The following EPHB1 variants were observed in gnomAD, a reference collection of about 807,000 sequenced individuals.
The protein encoded by EPHB1 is EPH receptor B1.
A neutral mutation model predicts 94.4 loss-of-function variants in EPHB1; 30 were observed. That is an observed-to-expected ratio of 0.32 (90% CI 0.24 to 0.43). The LOEUF is 0.43. EPHB1 is among the 20% of genes least tolerant of loss of function. The pLI, the probability that EPHB1 is intolerant of heterozygous loss-of-function variation, is 1.00. For synonymous variants in EPHB1, 522 were observed against 489.1 expected (o/e 1.07, Z -0.89); for missense variants, 1,055 against 1,308.3 (o/e 0.81, Z 2.99).
chr3:134,951,391 C>T lies in EPHB1; in HGVS notation c.144C>T (p.Tyr48=), dbSNP rs371726436. Residue 48 remains tyrosine (Y), a synonymous_variant, in exon 3 of 16, where the codon TAC becomes TAT. Transcript: ENST00000398015. This position sits in a 1 kb window ranked among gnomAD's most constrained non-coding sequence, Gnocchi z 4.5. ...TACAGTGGGAAGAAGTCAGTGGCTA[C>T]GATGAAAACCTGAACACCATCCGCA... ...PASGWEEVSG[Y]DENLNTIRTY... 1.8e-5 allele frequency: 28 copies of T among 1,568,522 alleles called. No individual in the cohort carries two copies. The highest frequency in any genetic ancestry group is 2.7e-5 in the African/African-American group (2 of 73,742).
rs550084438 is a variant in EPHB1, at chr3:134,928,707, A to G, written c.123+2827A>G. Among the ~76,000 whole-genome samples, 9 of 152,292 alleles carry G rather than the reference A, an allele frequency of 5.9e-5. No homozygotes were observed. The South Asian group carries it at 1.7e-3, about 28-fold the overall frequency. ...TGGAATCAGAAGGCGGCCGCATGTC[A>G]GTGAGATGGGAGCCTGGGGCATGGC... On this transcript the variant is annotated intron_variant, in intron 2 of 15. Coordinates refer to ENST00000398015, the MANE Select transcript of EPHB1 (RefSeq NM_004441.5).
At chr3:134,804,028 T>C (rs752302593) in intron 1 of EPHB1, among the ~76,000 whole-genome samples, 1 of 150,242 alleles carries the variant, frequency 6.7e-6, no homozygotes, top group Non-Finnish European at 1.5e-5. Context: ...GCCTTTCCCA[T>C]GTGCCCCTGC....
chr3:135,197,803 C>G (rs761916671), intron 11 of EPHB1, among the ~76,000 whole-genome samples: 23 of 151,850 alleles, frequency 1.5e-4, no homozygotes, highest in Non-Finnish European at 3.1e-4. Context: ...CCAAAGTCAC[C>G]AAGAAATAAG....
intron 3 of EPHB1, among the ~76,000 whole-genome samples, chr3:134,983,490 G>A (rs958188286): frequency 5.9e-5 from 9 of 152,206 alleles, no homozygotes; most frequent in Admixed American, 3.3e-4. Context: ...AGACTCATCC[G>A]CTGGCCAGAG....
intron 3 of EPHB1, among the ~76,000 whole-genome samples, chr3:134,952,286 G>C (rs1440711078): frequency 2.0e-5 from 3 of 152,156 alleles, no homozygotes; most frequent in Admixed American, 1.3e-4. Context: ...GTTTCAAACA[G>C]TGGAAAATAA....
chr3:135,080,501 G>A (rs982255319), intron 3 of EPHB1, among the ~76,000 whole-genome samples: 5 of 152,164 alleles, frequency 3.3e-5, no homozygotes, highest in Non-Finnish European at 7.3e-5. Flanking sequence ...GGACACTTGG[G>A]GGTGGGGCAA....
At chr3:134,985,164 T>A (rs1934552241) in intron 3 of EPHB1, among the ~76,000 whole-genome samples, 1 of 152,126 alleles carries the variant, frequency 6.6e-6, no homozygotes, top group African/African-American at 2.4e-5. Context: ...GTGTTTTGTT[T>A]TGTTTTTTGA....
At chr3:134,915,306 A>G (rs914944470) in intron 1 of EPHB1, among the ~76,000 whole-genome samples, 2 of 152,190 alleles carry the variant, frequency 1.3e-5, no homozygotes, top group African/African-American at 4.8e-5. Flanking sequence ...CTCATCCAAT[A>G]TGACTGGCAT....
chr3:135,013,764 G>A (rs999911425), intron 3 of EPHB1, among the ~76,000 whole-genome samples: 1 of 152,220 alleles, frequency 6.6e-6, no homozygotes, highest in Non-Finnish European at 1.5e-5. Flanking sequence ...CTGCAACAGT[G>A]TTTCCTCTTG....
chr3:134,841,780 T>C (rs542624601), intron 1 of EPHB1, among the ~76,000 whole-genome samples: 10 of 152,344 alleles, frequency 6.6e-5, no homozygotes, highest in African/African-American at 2.4e-4. Flanking sequence ...CTTTCCAGCC[T>C]AAATGAGGGA....
intron 4 of EPHB1, among the ~76,000 whole-genome samples, chr3:135,122,246 G>GA (rs1374162703): frequency 6.6e-6 from 1 of 152,182 alleles, no homozygotes; most frequent in Non-Finnish European, 1.5e-5. Flanking sequence ...GCTGAGAGAA[G>GA]ATAAGTGACT....
At chr3:135,167,076 G>T in intron 9 of EPHB1, 70 bp downstream of exon 9, 10 of 1,568,080 alleles carry the variant, frequency 6.4e-6, no homozygotes, top group Non-Finnish European at 8.8e-6. Flanking sequence ...AGTGCTCAGA[G>T]CTCTCTTTAT....
At chr3:135,194,539 G>T (rs1050091403) in intron 11 of EPHB1, among the ~76,000 whole-genome samples, 2 of 152,174 alleles carry the variant, frequency 1.3e-5, no homozygotes, top group South Asian at 4.1e-4. Flanking sequence ...GGACCTATTT[G>T]GTAATTTATC....
chr3:135,252,701 C>CA (rs1215021221), intron 15 of EPHB1, among the ~76,000 whole-genome samples: 1 of 141,450 alleles, frequency 7.1e-6, no homozygotes, highest in Non-Finnish European at 1.6e-5. Flanking sequence ...TTTATAGCAG[C>CA]ATGATTTATA....
At chr3:134,796,629 TCCCGCCCCTTCC>T (rs1045266662) in intron 1 of EPHB1, among the ~76,000 whole-genome samples, 3 of 146,482 alleles carry the variant, frequency 2.0e-5, no homozygotes, top group African/African-American at 7.4e-5. Context: ...GCTCCCCGCC[TCCCGCCCCTTCC>T]CCCGCCTCTG....
At chr3:134,823,556 C>T (rs903857000) in intron 1 of EPHB1, among the ~76,000 whole-genome samples, 4 of 152,188 alleles carry the variant, frequency 2.6e-5, no homozygotes, top group South Asian at 2.1e-4. Flanking sequence ...CCAAAGGCTA[C>T]GCACTATCAT....
At chr3:134,899,288 G>T (rs1286063371) in intron 1 of EPHB1, among the ~76,000 whole-genome samples, 1 of 152,090 alleles carries the variant, frequency 6.6e-6, no homozygotes, top group East Asian at 1.9e-4. Flanking sequence ...GAGTGTTTTT[G>T]CTAGCTCTTC....
rs549980971 is a variant in EPHB1, at chr3:135,113,255, C to A, written c.961+6652C>A. ...TGGAAGCTATCTATAACTGTCACTG[C>A]CACATCAGGAAGGGTCAGCGTTGCC... is the stretch of plus-strand genomic sequence containing the variant. On this transcript the variant is annotated intron_variant, in intron 4 of 15. Coordinates refer to ENST00000398015, the MANE Select transcript of EPHB1 (RefSeq NM_004441.5). 6.6e-5 allele frequency among the ~76,000 whole-genome samples: 10 copies of A among 152,328 alleles called. No individual in the cohort carries two copies. The South Asian group carries it at 1.7e-3, about 25-fold the overall frequency.
intron 3 of EPHB1, among the ~76,000 whole-genome samples, chr3:135,032,909 A>G (rs1467360184): frequency 6.6e-6 from 1 of 152,160 alleles, no homozygotes; most frequent in Non-Finnish European, 1.5e-5. Context: ...TCCTCTCTTC[A>G]AAAATGTGTA....
Sources: allele counts gnomAD v4.1 joint callset (sites outside exome capture counted in the v4.1 genomes callset), GRCh38; gene constraint gnomAD v4.1.1; non-coding constraint Gnocchi (gnomAD v3.1); transcripts MANE v1.5; gene names NCBI Gene and HGNC (gene_info 2026-07-23, HGNC 2026-07-21).